The following SCN4B variants were observed in gnomAD, a reference collection of about 807,000 sequenced individuals.
SCN4B encodes sodium channel regulatory subunit beta-4.
Under a neutral mutation model 19.6 loss-of-function variants are expected in SCN4B, and 20 were observed. That is an observed-to-expected ratio of 1.02 (90% CI 0.72 to 1.48). The LOEUF (loss-of-function observed/expected upper bound fraction) is 1.48, where lower values mean the gene tolerates loss of function less well. SCN4B is among the 40% of genes most tolerant of loss of function. The pLI is 0.00. For synonymous variants in SCN4B, 127 were observed against 122.8 expected, an observed-to-expected ratio of 1.03 and a Z score of -0.22; for missense variants, 271 against 287.5, an observed-to-expected ratio of 0.94 and a Z score of 0.42.
chr11:118,147,717 A>T (rs978104422), intron 1 of SCN4B, among the ~76,000 whole-genome samples: 1 of 152,166 alleles, frequency 6.6e-6, no homozygotes, highest in African/African-American at 2.4e-5. Context: ...CACAAACAGG[A>T]AGTGAATGCA....
At position 118,134,378 on chromosome 11, in the gene SCN4B, T is replaced by G. The variant is rs767908234; in HGVS notation, c.*2649A>C. 27 of 453,998 alleles carry G rather than the reference T, an allele frequency of 5.9e-5. No homozygotes were observed. Among genetic ancestry groups the G allele is most frequent in the South Asian group, 3.9e-4 (25 of 64,484 alleles). The allele number at this position is 453,998 out of a possible 1,614,324, so 28.1% of individuals were successfully genotyped here. Reference sequence around the variant, plus strand: ...TGGAAGCCACCATCAGAGATTTGCATGCACTGAGGTTCCACTTGGGGAAGA... The same window carrying G: ...TGGAAGCCACCATCAGAGATTTGCAGGCACTGAGGTTCCACTTGGGGAAGA... On this transcript the variant is annotated 3_prime_UTR_variant, in exon 5 of 5. Coordinates refer to ENST00000324727, the MANE Select transcript of SCN4B (RefSeq NM_174934.4).
At chr11:118,148,000 A>G (rs1340503736) in intron 1 of SCN4B, among the ~76,000 whole-genome samples, 1 of 152,252 alleles carries the variant, frequency 6.6e-6, no homozygotes, top group Non-Finnish European at 1.5e-5. Flanking sequence ...AGATGGGTCC[A>G]GAAGAGAGGG....
At chr11:118,142,267 TC>T (rs1363138885) in intron 3 of SCN4B, among the ~76,000 whole-genome samples, 4 of 152,172 alleles carry the variant, frequency 2.6e-5, no homozygotes, top group Non-Finnish European at 5.9e-5. Flanking sequence ...TTGACCTGAC[TC>T]ATCTCTCACT....
At chr11:118,150,105 CAG>C (rs1195512777) in intron 1 of SCN4B, among the ~76,000 whole-genome samples, 1 of 152,116 alleles carries the variant, frequency 6.6e-6, no homozygotes, top group East Asian at 1.9e-4. Flanking sequence ...CCAGGGGAAA[CAG>C]GGTTGTGCAA....
chr11:118,143,369 A>G (rs1948124707), intron 3 of SCN4B, among the ~76,000 whole-genome samples: 1 of 152,200 alleles, frequency 6.6e-6, no homozygotes, highest in Non-Finnish European at 1.5e-5. Context: ...TGCCCATTCT[A>G]GCTATTTATT....
In SCN4B at chr11:118,136,952, C is replaced by A. The variant is rs746836377; in HGVS notation, c.*75G>T. The A allele has an allele frequency of 1.9e-6, 2 of 1,032,134 alleles. No homozygotes were observed. Among genetic ancestry groups the A allele is most frequent in the African/African-American group, 3.2e-5 (2 of 63,282 alleles). 63.9% of individuals were successfully genotyped at this position (1,032,134 alleles called of 1,614,324 possible). On this transcript the variant is annotated 3_prime_UTR_variant, in exon 5 of 5. Coordinates refer to ENST00000324727, the MANE Select transcript of SCN4B (RefSeq NM_174934.4). ...AGCAGATGTCTCAGGCACGTGGGTT[C>A]TACGGTCGGGGCTCAAGCATCAGTT...
chr11:118,150,644 G>A (rs540293002), intron 1 of SCN4B, among the ~76,000 whole-genome samples: 1 of 152,246 alleles, frequency 6.6e-6, no homozygotes, highest in South Asian at 2.1e-4. Context: ...ATCCCTCTCT[G>A]GACCATGACT....
rs766193806 is a variant in SCN4B, at chr11:118,135,962, T to C, written c.*1065A>G. On this transcript the variant is annotated 3_prime_UTR_variant, in exon 5 of 5. Transcript: ENST00000324727. ...CCCTCATCCAAAGGAAGAGAGTCCC[T>C]GAGGCGAAGGCAGGCCCTTGACCCA... 1 of 453,058 alleles carries C rather than the reference T, an allele frequency of 2.2e-6. No individual in the cohort carries two copies. Among genetic ancestry groups the C allele is most frequent in the Middle Eastern group, 6.9e-4 (1 of 1,440 alleles). The allele number at this position is 453,058 out of a possible 1,614,324, so 28.1% of individuals were successfully genotyped here. A position where few individuals can be genotyped will look rare whatever the true frequency, so the allele number is the denominator to read the frequency against.
chr11:118,146,085 G>GGGCGC (rs1442828465), intron 1 of SCN4B, among the ~76,000 whole-genome samples: 1 of 151,994 alleles, frequency 6.6e-6, no homozygotes, highest in Non-Finnish European at 1.5e-5. Flanking sequence ...GGGACGGGGA[G>GGGCGC]GGCGCTGGAC....
Position 118,135,374 on chromosome 11 carries a change from C to A in SCN4B, c.*1653G>T. 1 of 454,048 alleles carries A rather than the reference C, an allele frequency of 2.2e-6. No homozygotes were observed. Among genetic ancestry groups the A allele is most frequent in the Non-Finnish European group, 4.4e-6 (1 of 226,776 alleles). The allele number at this position is 454,048 out of a possible 1,614,324, so 28.1% of individuals were successfully genotyped here. A position where few individuals can be genotyped will look rare whatever the true frequency, so the allele number is the denominator to read the frequency against. On this transcript the variant is annotated 3_prime_UTR_variant, in exon 5 of 5. Coordinates refer to ENST00000324727, the MANE Select transcript of SCN4B (RefSeq NM_174934.4). ...ACAGGGAGAGCTCTGAGGTAGACCC[C>A]AAACTCTCTGAAAAAGGGGGCTACT...
At position 118,152,810 on chromosome 11, in the gene SCN4B, A is replaced by G. The variant is rs1948248098; in HGVS notation, c.-137T>C. On this transcript the variant is annotated 5_prime_UTR_variant, in exon 1 of 5. Coordinates refer to ENST00000324727, the MANE Select transcript of SCN4B (RefSeq NM_174934.4). The stretch of plus-strand genomic sequence containing the variant: ...CCGCCGGTCGGGGCTCGGGAAAGTT[A>G]GCGGGCAGAGAGCGAGAGGAGGGGG... The G allele has an allele frequency of 5.4e-6, 3 of 557,176 alleles. No individual in the cohort carries two copies. Among genetic ancestry groups the G allele is most frequent in the African/African-American group, 1.9e-5 (1 of 51,686 alleles). 34.5% of individuals were successfully genotyped at this position (557,176 alleles called of 1,614,324 possible).
chr11:118,140,395 T>C (rs1227032684), intron 4 of SCN4B, among the ~76,000 whole-genome samples: 1 of 152,210 alleles, frequency 6.6e-6, no homozygotes, highest in Non-Finnish European at 1.5e-5. Flanking sequence ...TTCCCTCTTC[T>C]CAGCAGAGCA....
chr11:118,138,396 CCTA>C (rs1335728460), intron 4 of SCN4B, among the ~76,000 whole-genome samples: 3 of 152,138 alleles, frequency 2.0e-5, no homozygotes, highest in Admixed American at 2.0e-4. Context: ...ATGTGACATC[CCTA>C]GTGTACTTCA....
Position 118,152,718 on chromosome 11 carries a change from A to G in SCN4B, c.-45T>C. 1 of 1,508,290 alleles carries G rather than the reference A, an allele frequency of 6.6e-7. No homozygotes were observed. The highest frequency in any genetic ancestry group is 9.1e-7 in the Non-Finnish European group (1 of 1,098,526). The allele number at this position is 1,508,290 out of a possible 1,614,324, so 93.4% of individuals were successfully genotyped here. A position where few individuals can be genotyped will look rare whatever the true frequency, so the allele number is the denominator to read the frequency against. On this transcript the variant is annotated 5_prime_UTR_variant, in exon 1 of 5. Coordinates refer to ENST00000324727, the MANE Select transcript of SCN4B (RefSeq NM_174934.4). ...CGCGCGGGGGTCGCGGGGATGGGAT[A>G]CTGGGCACAGCCGCGCTCTCCGCCC...
chr11:118,144,625 C>T (rs772502335), intron 2 of SCN4B, among the ~76,000 whole-genome samples: 16 of 152,136 alleles, frequency 1.1e-4, no homozygotes, highest in Non-Finnish European at 1.5e-4. Context: ...ACCGCAGCCG[C>T]GCCAATGCTC....
intron 2 of SCN4B, 58 bp downstream of exon 2, chr11:118,144,999 G>T: frequency 6.5e-7 from 1 of 1,548,224 alleles, no homozygotes; most frequent in Non-Finnish European, 8.9e-7. Flanking sequence ...CCAGAGCGTA[G>T]GAGGCGAGGC....
intron 1 of SCN4B, among the ~76,000 whole-genome samples, chr11:118,147,772 G>A (rs924556361): frequency 7.2e-5 from 11 of 152,182 alleles, no homozygotes; most frequent in Non-Finnish European, 1.5e-5. Flanking sequence ...CTTCCTGATA[G>A]CTAATGGCCT....
rs770889913 is a variant in SCN4B, at chr11:118,134,551, G to GC, written c.*2475dup. ...CCCACGCATGGGGGCAACCAAAAAT[G>GC]CCCCCCCTACAATCTCAGTCACCTC... On this transcript the variant is annotated 3_prime_UTR_variant, in exon 5 of 5. Coordinates refer to ENST00000324727, the MANE Select transcript of SCN4B (RefSeq NM_174934.4). The GC allele has an allele frequency of 2.4e-5, 11 of 453,852 alleles. No individual in the cohort carries two copies. In the Middle Eastern group the frequency reaches 2.0e-3, roughly 85 times the overall value. The allele number at this position is 453,852 out of a possible 1,614,324, so 28.1% of individuals were successfully genotyped here.
Position 118,136,703 on chromosome 11 carries a change from G to A in SCN4B, c.*324C>T, listed in dbSNP as rs1489556354. 4.0e-6 allele frequency: 2 copies of A among 500,816 alleles called. No homozygotes were observed. Among genetic ancestry groups the A allele is most frequent in the Non-Finnish European group, 7.8e-6 (2 of 257,748 alleles). The allele number at this position is 500,816 out of a possible 1,614,324, so 31.0% of individuals were successfully genotyped here. On this transcript the variant is annotated 3_prime_UTR_variant, in exon 5 of 5. Coordinates refer to ENST00000324727, the MANE Select transcript of SCN4B (RefSeq NM_174934.4). ...AAGCCTGGAGGAAAATCAAGGCCCT[G>A]CTTGTGCAGGGTAGGGAGACTGAAG...
Sources: allele counts gnomAD v4.1 joint callset (sites outside exome capture counted in the v4.1 genomes callset), GRCh38; gene constraint gnomAD v4.1.1; transcripts MANE v1.5; gene names NCBI Gene and HGNC (gene_info 2026-07-23, HGNC 2026-07-21).